Variants in AK8 observed in about 807,000 individuals in gnomAD.
The protein encoded by AK8 is adenylate kinase 8.
In AK8, 44 loss-of-function variants were observed where a neutral mutation model predicts 54.6. The observed-to-expected ratio is 0.81, with a 90% CI of 0.63 to 1.04. The LOEUF (loss-of-function observed/expected upper bound fraction) is 1.04. AK8 is among the 50% of genes least tolerant of loss of function. The probability of loss-of-function intolerance (pLI) is 0.00; values close to 1 mark genes in which losing one functional copy is unlikely to be tolerated. For synonymous variants in AK8, 239 were observed against 245.6 expected, an observed-to-expected ratio of 0.97 and a Z score of 0.25; for missense variants, 555 against 613.6, an observed-to-expected ratio of 0.90 and a Z score of 1.01.
At chr9:132,776,392 G>A (rs1262848150) in intron 11 of AK8, among the ~76,000 whole-genome samples, 6 of 152,240 alleles carry the variant, frequency 3.9e-5, no homozygotes, top group Non-Finnish European at 7.3e-5. Flanking sequence ...GGTAGCACTC[G>A]CTTTTGCTAC....
At chr9:132,867,646 C>T (rs1361004868) in intron 2 of AK8, among the ~76,000 whole-genome samples, 2 of 152,208 alleles carry the variant, frequency 1.3e-5, no homozygotes, top group African/African-American at 4.8e-5. Flanking sequence ...CAGGCCCAGG[C>T]CCTGGCCATC....
chr9:132,771,116 C>T (rs1227277957), intron 11 of AK8, among the ~76,000 whole-genome samples: 1 of 152,232 alleles, frequency 6.6e-6, no homozygotes, highest in Non-Finnish European at 1.5e-5. Flanking sequence ...TCCGTCTCCA[C>T]TGCCATGATG....
chr9:132,840,160 C>T (rs183169123), intron 5 of AK8, among the ~76,000 whole-genome samples: 30 of 152,170 alleles, frequency 2.0e-4, no homozygotes, highest in African/African-American at 6.3e-4. Context: ...TCAATGCTGC[C>T]ACATTGGAGA....
intron 4 of AK8, 52 bp from the exon 5 acceptor site, chr9:132,854,977 T>G (rs1427518294): frequency 6.3e-7 from 1 of 1,594,552 alleles, no homozygotes; most frequent in East Asian, 2.2e-5. Flanking sequence ...TTCCTGCAGC[T>G]CAGGACACAG....
At chr9:132,848,115 CAAA>C (rs796764891) in intron 5 of AK8, among the ~76,000 whole-genome samples, 2 of 52,554 alleles carry the variant, frequency 3.8e-5, no homozygotes, top group Non-Finnish European at 6.9e-5. Flanking sequence ...CACCCTGTTT[CAAA>C]AAAAAAAAAA....
At chr9:132,809,238 A>T (rs532936411) in intron 10 of AK8, among the ~76,000 whole-genome samples, 11 of 152,310 alleles carry the variant, frequency 7.2e-5, no homozygotes, top group African/African-American at 2.6e-4. Context: ...CCCCAAAGGT[A>T]TATGGGAGAG....
At chr9:132,852,360 G>A (rs943003291) in intron 5 of AK8, among the ~76,000 whole-genome samples, 9 of 152,118 alleles carry the variant, frequency 5.9e-5, no homozygotes, top group Admixed American at 1.3e-4. Context: ...TAGTAATCCC[G>A]GCACTTTGGA....
At chr9:132,877,017 G>A (rs1411318740) in intron 1 of AK8, among the ~76,000 whole-genome samples, 4 of 152,164 alleles carry the variant, frequency 2.6e-5, no homozygotes, top group Non-Finnish European at 5.9e-5. Context: ...AGTAAGCCAT[G>A]ATTGTATCAC....
intron 4 of AK8, among the ~76,000 whole-genome samples, chr9:132,861,149 C>T (rs886606290): frequency 6.6e-6 from 1 of 152,190 alleles, no homozygotes; most frequent in Non-Finnish European, 1.5e-5. Flanking sequence ...CTGTGAACCC[C>T]CAGCATCCTG....
At chr9:132,812,530 T>TGCCCACTGGGATGACAGGTGAGCCGCCAC (rs1554795852) in intron 10 of AK8, among the ~76,000 whole-genome samples, 1 of 130,644 alleles carries the variant, frequency 7.7e-6, no homozygotes, top group African/African-American at 2.8e-5. Context: ...TGAGCTACCG[T>TGCCCACTGGGATGACAGGTGAGCCGCCAC]GCCCACTGGG....
At chr9:132,772,555 C>T (rs1215185925) in intron 11 of AK8, among the ~76,000 whole-genome samples, 1 of 152,208 alleles carries the variant, frequency 6.6e-6, no homozygotes, top group African/African-American at 2.4e-5. Flanking sequence ...GGCTTCCAGC[C>T]TCCAGGACTC....
At chr9:132,813,605 G>A (rs1181614466) in intron 10 of AK8, among the ~76,000 whole-genome samples, 2 of 152,214 alleles carry the variant, frequency 1.3e-5, no homozygotes, top group Admixed American at 1.3e-4. Flanking sequence ...AGGTGTGGGT[G>A]CGTGAGTGGG....
intron 10 of AK8, among the ~76,000 whole-genome samples, chr9:132,804,679 C>T (rs1840633968): frequency 1.3e-5 from 2 of 152,314 alleles, no homozygotes; most frequent in Admixed American, 6.5e-5. Context: ...GTGCCCTTGT[C>T]ACCCAGAGCA....
At chr9:132,871,022 G>GA (rs1843803836) in intron 2 of AK8, among the ~76,000 whole-genome samples, 1 of 152,206 alleles carries the variant, frequency 6.6e-6, no homozygotes, top group Non-Finnish European at 1.5e-5. Context: ...GAGGCGGGTG[G>GA]ATCATCTGAG....
chr9:132,868,233 A>G (rs1843680060), intron 2 of AK8, among the ~76,000 whole-genome samples: 1 of 152,228 alleles, frequency 6.6e-6, no homozygotes, highest in African/African-American at 2.4e-5. Flanking sequence ...CAGACAGAGA[A>G]AAGGAACTAG....
chr9:132,742,364 G>T (rs1028950035), intron 11 of AK8, among the ~76,000 whole-genome samples: 3 of 152,210 alleles, frequency 2.0e-5, no homozygotes, highest in Admixed American at 6.5e-5. Flanking sequence ...TTTTTGTAGA[G>T]ACAGGGTCTC....
chr9:132,836,521 T>A (rs1842330916), intron 5 of AK8, among the ~76,000 whole-genome samples: 1 of 152,168 alleles, frequency 6.6e-6, no homozygotes. Flanking sequence ...TGAGGGAAGA[T>A]CTTTAATTAA....
At chr9:132,767,530 C>A (rs1838775872) in intron 11 of AK8, among the ~76,000 whole-genome samples, 1 of 152,074 alleles carries the variant, frequency 6.6e-6, no homozygotes, top group Non-Finnish European at 1.5e-5. Flanking sequence ...AGTGCAGCTA[C>A]TTCGGAAAAC....
intron 10 of AK8, among the ~76,000 whole-genome samples, chr9:132,798,458 AC>A (rs1218304313): frequency 1.3e-5 from 2 of 152,004 alleles, no homozygotes; most frequent in African/African-American, 4.8e-5. Flanking sequence ...CTGTCCATTT[AC>A]CCTTTCTCCT....
Sources: gnomAD v4.1 joint callset for allele counts (sites outside exome capture counted in the v4.1 genomes callset) on GRCh38, gnomAD v4.1.1 for gene constraint, MANE v1.5 for transcripts, NCBI Gene and HGNC (gene_info 2026-07-23, HGNC 2026-07-21) for gene names.